Variants in WWOX observed in about 807,000 individuals in gnomAD.
WWOX encodes the protein WW domain-containing oxidoreductase.
Under a neutral mutation model 46.2 loss-of-function variants are expected in WWOX, and 69 were observed. That is an observed-to-expected ratio of 1.49 (90% CI 1.23 to 1.82). The LOEUF (loss-of-function observed/expected upper bound fraction) is 1.82, where lower values mean the gene tolerates loss of function less well. WWOX is among the 40% of genes most tolerant of loss of function. WWOX has a pLI of 0.00. For synonymous variants in WWOX, 359 were observed against 202.6 expected (o/e 1.77, Z -6.56); for missense variants, 919 against 542.6 (o/e 1.69, Z -6.89).
intron 5 of WWOX, among the ~76,000 whole-genome samples, chr16:78,200,269 C>T (rs80120307): frequency 0.017 from 2,660 of 152,026 alleles, 82 homozygotes; most frequent in African/African-American, 0.061. Flanking sequence ...TCACGTGACT[C>T]ACTGCTTAGT....
chr16:78,126,781 G>T (rs1400854556), intron 4 of WWOX, among the ~76,000 whole-genome samples: 4 of 152,136 alleles, frequency 2.6e-5, no homozygotes, highest in Non-Finnish European at 4.4e-5. Context: ...CGCATTTAAG[G>T]AGGGAATACC....
chr16:79,010,313 G>A (rs1402905799), intron 8 of WWOX, among the ~76,000 whole-genome samples: 1 of 152,156 alleles, frequency 6.6e-6, no homozygotes, highest in African/African-American at 2.4e-5. Flanking sequence ...CGTGTGCTGA[G>A]GGAAGGTGCC....
At chr16:78,158,916 G>T (rs2034692450) in intron 4 of WWOX, among the ~76,000 whole-genome samples, 1 of 151,982 alleles carries the variant, frequency 6.6e-6, no homozygotes, top group African/African-American at 2.4e-5. Flanking sequence ...ATACCCTTTG[G>T]CTAATACCTC....
Position 79,211,924 on chromosome 16 carries a change from T to G in WWOX, c.*128T>G. On this transcript the variant is annotated 3_prime_UTR_variant, in exon 9 of 9. Coordinates refer to ENST00000566780, the MANE Select transcript of WWOX (RefSeq NM_016373.4). Reference sequence around the variant, plus strand: ...GCAAGAGTAAAGGAAATAAGAGCAGTCACAACAGAGTGAAAAATCTTAAGT... The same window carrying G: ...GCAAGAGTAAAGGAAATAAGAGCAGGCACAACAGAGTGAAAAATCTTAAGT... 6.5e-7 allele frequency: 1 copy of G among 1,540,012 alleles called. No homozygotes were observed. Among genetic ancestry groups the G allele is most frequent in the Non-Finnish European group, 8.7e-7 (1 of 1,147,902 alleles).
chr16:78,663,215 C>G (rs957724737), intron 8 of WWOX, among the ~76,000 whole-genome samples: 2 of 152,144 alleles, frequency 1.3e-5, no homozygotes, highest in Non-Finnish European at 2.9e-5. Flanking sequence ...ATGACTTTAC[C>G]TATTTCGGGT....
intron 8 of WWOX, among the ~76,000 whole-genome samples, chr16:79,028,241 G>C (rs558890296): frequency 1.3e-5 from 2 of 151,902 alleles, no homozygotes; most frequent in East Asian, 3.9e-4. Context: ...GAGCCACCAC[G>C]CCCGACTGCT....
At chr16:79,089,106 G>A (rs578183065) in intron 8 of WWOX, among the ~76,000 whole-genome samples, 5 of 152,106 alleles carry the variant, frequency 3.3e-5, no homozygotes, top group African/African-American at 9.7e-5. Flanking sequence ...CCAAGGGTGC[G>A]AATGTGACTT....
chr16:79,207,609 T>A (rs934049686), intron 8 of WWOX, among the ~76,000 whole-genome samples: 1 of 152,246 alleles, frequency 6.6e-6, no homozygotes, highest in Non-Finnish European at 1.5e-5. Flanking sequence ...TGATATTGTG[T>A]CTATTTTTTA....
intron 8 of WWOX, among the ~76,000 whole-genome samples, chr16:78,458,743 TAGA>T (rs998776172): frequency 6.6e-6 from 1 of 152,128 alleles, no homozygotes; most frequent in Non-Finnish European, 1.5e-5. Context: ...TATACATACA[TAGA>T]AGTATATATA....
intron 8 of WWOX, among the ~76,000 whole-genome samples, chr16:78,824,274 C>G (rs2051587324): frequency 6.6e-6 from 1 of 152,118 alleles, no homozygotes; most frequent in African/African-American, 2.4e-5. Context: ...GTTTTTCTAA[C>G]AATAAACTGA....
chr16:78,641,913 T>A (rs949112551), intron 8 of WWOX, among the ~76,000 whole-genome samples: 2 of 152,298 alleles, frequency 1.3e-5, no homozygotes, highest in African/African-American at 2.4e-5. Context: ...AGGAGTGGCT[T>A]ACCAAATAGA....
At chr16:78,369,135 C>A (rs2151919628) in intron 5 of WWOX, among the ~76,000 whole-genome samples, 1 of 152,002 alleles carries the variant, frequency 6.6e-6, no homozygotes, top group South Asian at 2.1e-4. Context: ...AAGGAAAACT[C>A]ATTAATGTGG....
intron 8 of WWOX, among the ~76,000 whole-genome samples, chr16:78,914,858 G>GAGGC (rs2045207825): frequency 1.5e-5 from 2 of 134,056 alleles, no homozygotes; most frequent in Non-Finnish European, 3.1e-5. Flanking sequence ...CCGCCCGGGT[G>GAGGC]ACAGAGCGAG....
intron 8 of WWOX, among the ~76,000 whole-genome samples, chr16:78,520,770 A>C (rs897661305): frequency 1.3e-5 from 2 of 152,164 alleles, no homozygotes; most frequent in African/African-American, 4.8e-5. Flanking sequence ...TCCCAGGGCC[A>C]GATATTAGAA....
At chr16:79,058,987 A>C (rs1046800969) in intron 8 of WWOX, among the ~76,000 whole-genome samples, 2 of 152,314 alleles carry the variant, frequency 1.3e-5, no homozygotes, top group Non-Finnish European at 2.9e-5. Context: ...AAAGGAAAAC[A>C]ATGACTATTA....
At chr16:79,047,625 C>A (rs943590129) in intron 8 of WWOX, among the ~76,000 whole-genome samples, 1 of 148,296 alleles carries the variant, frequency 6.7e-6, no homozygotes, top group Admixed American at 6.7e-5. Context: ...GATTCCCTTA[C>A]AGTTCTGGAT....
intron 8 of WWOX, among the ~76,000 whole-genome samples, chr16:78,730,309 C>T (rs1030294218): frequency 6.6e-6 from 1 of 152,022 alleles, no homozygotes. Context: ...GCCTCCTTCC[C>T]TCTCTGCCTC....
Position 78,985,495 on chromosome 16 carries a change from C to T in WWOX, c.1057-226113C>T, listed in dbSNP as rs372737206. On this transcript the variant is annotated intron_variant, in intron 8 of 8. Coordinates refer to ENST00000566780, the MANE Select transcript of WWOX (RefSeq NM_016373.4). ...CACTACATTCAGAATAGGGGCCAGGCGCGGTGGCTCACGCTGTAATCCCAG... is the reference window on the plus strand; with the variant it reads ...CACTACATTCAGAATAGGGGCCAGGTGCGGTGGCTCACGCTGTAATCCCAG... 9.1e-4 allele frequency among the ~76,000 whole-genome samples: 139 copies of T among 152,264 alleles called. 2 individuals carry two copies. In the South Asian group the frequency reaches 0.023, roughly 25 times the overall value.
rs1300441861 is a variant in WWOX, at chr16:79,211,732, C to T, written c.1181C>T (p.Ala394Val). ...PSPEAQSEET[A>V]RTLWALSERL... ...CCAGAAGCTCAGAGCGAAGAGACGGCCCGGACCCTGTGGGCGCTCAGCGAG... is the reference window on the plus strand; with the variant it reads ...CCAGAAGCTCAGAGCGAAGAGACGGTCCGGACCCTGTGGGCGCTCAGCGAG... Residue 394 changes from alanine (A) to valine (V), a missense_variant, in exon 9 of 9, where the codon GCC becomes GTC. By Grantham distance (64) the Ala-to-Val change is moderately conservative. Coordinates refer to ENST00000566780, the MANE Select transcript of WWOX (RefSeq NM_016373.4). 1.2e-6 allele frequency: 2 copies of T among 1,614,218 alleles called. No homozygotes were observed. Among genetic ancestry groups the T allele is most frequent in the Non-Finnish European group, 1.7e-6 (2 of 1,180,028 alleles).
Sources: allele counts gnomAD v4.1 joint callset (sites outside exome capture counted in the v4.1 genomes callset), GRCh38; gene constraint gnomAD v4.1.1; transcripts MANE v1.5; gene names NCBI Gene and HGNC (gene_info 2026-07-23, HGNC 2026-07-21).